The following TTC8 variants were observed in gnomAD, a reference collection of about 807,000 sequenced individuals.
The protein encoded by TTC8 is tetratricopeptide repeat domain 8.
Under a neutral mutation model 72.5 loss-of-function variants are expected in TTC8, and 47 were observed. The observed-to-expected ratio is 0.65, with a 90% CI of 0.51 to 0.83. The LOEUF is 0.83. Among genes scored for constraint, TTC8 ranks in the 40% least tolerant of loss-of-function variants. The pLI is 0.00. For synonymous variants in TTC8, 199 were observed against 221.4 expected (o/e 0.90, Z 0.90); for missense variants, 611 against 623.2 (o/e 0.98, Z 0.21).
chr14:88,865,634 C>T (rs898950752), intron 10 of TTC8, among the ~76,000 whole-genome samples: 1 of 152,086 alleles, frequency 6.6e-6, no homozygotes, highest in African/African-American at 2.4e-5. Context: ...TGCCATTGCA[C>T]TCCAGTCTGG....
intron 13 of TTC8, 63 bp downstream of exon 13, chr14:88,872,515 T>G: frequency 6.2e-7 from 1 of 1,604,542 alleles, no homozygotes; most frequent in East Asian, 2.2e-5. Flanking sequence ...CTGTCATGTG[T>G]GGTAGCATTA....
Position 88,875,039 on chromosome 14 carries a change from T to C in TTC8, c.1361T>C (p.Leu454Ser). 1 of 1,612,632 alleles carries C rather than the reference T, an allele frequency of 6.2e-7. No individual in the cohort carries two copies. Among genetic ancestry groups the C allele is most frequent in the Non-Finnish European group, 8.5e-7 (1 of 1,179,518 alleles). ...TTTTATACACAGGCAAGGGCACTAT[T>C]ACAAACTGCATCATCATTAGCACCC... ...KGHVEQARAL[L>S]QTASSLAPHM... is the part of the protein sequence containing the mutation. Residue 454 changes from leucine (L) to serine (S), a missense_variant, in exon 14 of 15, where the codon TTA becomes TCA. By Grantham distance (145) the Leu-to-Ser change is moderately radical (BLOSUM62 -2). Coordinates refer to ENST00000380656, the MANE Select transcript of TTC8 (RefSeq NM_144596.4).
At chr14:88,869,265 A>C (rs1239332346) in intron 10 of TTC8, among the ~76,000 whole-genome samples, 1 of 152,208 alleles carries the variant, frequency 6.6e-6, no homozygotes, top group East Asian at 1.9e-4. Context: ...GCATACATTT[A>C]TGATTATCAG....
chr14:88,838,255 G>T (rs368625842), intron 2 of TTC8, among the ~76,000 whole-genome samples: 3 of 152,230 alleles, frequency 2.0e-5, no homozygotes, highest in East Asian at 1.9e-4. Context: ...CACCCAGTAG[G>T]TGATGTGTTC....
At chr14:88,862,021 T>C (rs927261302) in intron 10 of TTC8, among the ~76,000 whole-genome samples, 1 of 152,152 alleles carries the variant, frequency 6.6e-6, no homozygotes. Context: ...GATCATATGG[T>C]AGGTCTATTT....
rs111490524 is a variant in TTC8, at chr14:88,842,234, A to C, written c.579+720A>C. 3.5e-3 allele frequency among the ~76,000 whole-genome samples: 538 copies of C among 152,314 alleles called. 4 individuals carry two copies. Among genetic ancestry groups the C allele is most frequent in the African/African-American group, 0.012 (500 of 41,568 alleles). On this transcript the variant is annotated intron_variant, in intron 6 of 14. Coordinates refer to ENST00000380656, the MANE Select transcript of TTC8 (RefSeq NM_144596.4). The stretch of plus-strand genomic sequence containing the variant: ...AGCCTAGCTCAGGTTTTTAGCTGAA[A>C]TCTCTGAGCATAAGTGCTGAGCTCA...
At chr14:88,827,050 G>T (rs756982931) in intron 1 of TTC8, among the ~76,000 whole-genome samples, 1 of 151,890 alleles carries the variant, frequency 6.6e-6, no homozygotes, top group Non-Finnish European at 1.5e-5. Context: ...CCAGGGAAAG[G>T]GTCAGATATC....
At chr14:88,857,802 A>T (rs1388951230) in intron 9 of TTC8, among the ~76,000 whole-genome samples, 1 of 152,070 alleles carries the variant, frequency 6.6e-6, no homozygotes, top group Non-Finnish European at 1.5e-5. Flanking sequence ...TATACTCTTA[A>T]GGAAAATTAA....
intron 2 of TTC8, chr14:88,834,044 G>A (rs1454550488): frequency 3.0e-5 from 11 of 360,802 alleles, no homozygotes; most frequent in Middle Eastern, 8.5e-4. Context: ...GAAAGGGAGC[G>A]GGAGAGTCAG....
intron 2 of TTC8, among the ~76,000 whole-genome samples, chr14:88,835,745 T>C (rs906106375): frequency 3.3e-5 from 5 of 152,198 alleles, no homozygotes; most frequent in African/African-American, 1.2e-4. Context: ...CATTTTATTT[T>C]AATCACTGAT....
downstream of TTC8, chr14:88,878,001 T>G (rs1236983425): frequency 1.3e-5 from 2 of 152,228 alleles, no homozygotes; most frequent in African/African-American, 2.4e-5. Flanking sequence ...ATTTCATTAT[T>G]TTTTAATGAG....
At position 88,831,419 on chromosome 14, in the gene TTC8, G is replaced by A. The variant is rs184382470; in HGVS notation, c.115-2274G>A. The stretch of plus-strand genomic sequence containing the variant: ...CTGATTCTGGCTACACTGCCTATGA[G>A]TTAGCCCTCCTCTGCAAGGAGCAGT... On this transcript the variant is annotated intron_variant, in intron 1 of 14. Coordinates refer to ENST00000380656, the MANE Select transcript of TTC8 (RefSeq NM_144596.4). Among the ~76,000 whole-genome samples the A allele has an allele frequency of 2.8e-3, 425 of 152,308 alleles. 1 individual carries two copies. The highest frequency in any genetic ancestry group is 7.7e-3 in the African/African-American group (322 of 41,556).
chr14:88,855,621 AAAT>A (rs1181320678), intron 8 of TTC8, among the ~76,000 whole-genome samples: 4 of 152,142 alleles, frequency 2.6e-5, no homozygotes, highest in Non-Finnish European at 5.9e-5. Flanking sequence ...ATTGTTTTTA[AAAT>A]AATCTATTTC....
chr14:88,848,921 A>G (rs1323063526), intron 7 of TTC8, among the ~76,000 whole-genome samples: 1 of 152,160 alleles, frequency 6.6e-6, no homozygotes, highest in Non-Finnish European at 1.5e-5. Context: ...TTATAGTAAA[A>G]TGAATTATAA....
At chr14:88,880,000 A>G (rs916142635), downstream of TTC8, 2 of 152,098 alleles carry the variant, frequency 1.3e-5, no homozygotes, top group Admixed American at 1.3e-4. Context: ...AGTTTCCACC[A>G]CCAACCCTTT....
intron 8 of TTC8, among the ~76,000 whole-genome samples, chr14:88,855,257 T>A (rs888442940): frequency 6.6e-6 from 1 of 152,234 alleles, no homozygotes; most frequent in African/African-American, 2.4e-5. Context: ...ATCATTGCTT[T>A]AAGGACATGG....
At chr14:88,853,359 G>A (rs2094842199) in intron 8 of TTC8, among the ~76,000 whole-genome samples, 1 of 152,200 alleles carries the variant, frequency 6.6e-6, no homozygotes, top group African/African-American at 2.4e-5. Flanking sequence ...GTGAGTAACA[G>A]ACCAGGGACT....
intron 1 of TTC8, among the ~76,000 whole-genome samples, chr14:88,826,503 G>C (rs1179998506): frequency 2.6e-5 from 4 of 151,346 alleles, no homozygotes; most frequent in Non-Finnish European, 4.4e-5. Flanking sequence ...AGGAGATTGA[G>C]ACCATCCTGG....
chr14:88,862,877 C>A (rs1258712360), intron 10 of TTC8, among the ~76,000 whole-genome samples: 5 of 151,542 alleles, frequency 3.3e-5, no homozygotes, highest in Non-Finnish European at 7.4e-5. Flanking sequence ...GAGATATCTT[C>A]CCTGCTATCT....
Sources: gnomAD v4.1 joint callset for allele counts (sites outside exome capture counted in the v4.1 genomes callset) on GRCh38, gnomAD v4.1.1 for gene constraint, MANE v1.5 for transcripts, NCBI Gene and HGNC (gene_info 2026-07-23, HGNC 2026-07-21) for gene names.